HS6ST2: variants seen among roughly 807,000 people sequenced by gnomAD.
HS6ST2 encodes heparan-sulfate 6-O-sulfotransferase 2.
HS6ST2 carries 17 observed loss-of-function variants against 33.0 expected under a neutral mutation model. The ratio of observed to expected loss-of-function variants is 0.52; its 90% CI spans 0.35 to 0.77. The LOEUF is 0.77. Among genes scored for constraint, HS6ST2 ranks in the 30% least tolerant of loss-of-function variants. The pLI is 0.01. For synonymous variants in HS6ST2, 248 were observed against 237.1 expected (o/e 1.05, Z -0.42); for missense variants, 519 against 551.7 (o/e 0.94, Z 0.59).
intron 4 of HS6ST2, among the ~76,000 whole-genome samples, chrX:132,665,258 G>T (rs1227727149): frequency 8.9e-6 from 1 of 111,770 alleles, no homozygotes; most frequent in African/African-American, 3.3e-5. Flanking sequence ...CTGAGATCTG[G>T]CTCCTGGCCT....
chrX:132,872,833 T>A (rs983343364), intron 2 of HS6ST2, among the ~76,000 whole-genome samples: 2 of 111,118 alleles, frequency 1.8e-5, no homozygotes, highest in Non-Finnish European at 3.8e-5. Context: ...CTTTTAACAA[T>A]AAAAAAAGGT....
At chrX:132,730,975 C>G (rs139892807) in intron 2 of HS6ST2, among the ~76,000 whole-genome samples, 2 of 111,631 alleles carry the variant, frequency 1.8e-5, no homozygotes, top group African/African-American at 6.5e-5. Context: ...GGGATGGACT[C>G]TGTGTGTGTG....
At chrX:132,639,367 A>T (rs1173620278) in intron 4 of HS6ST2, among the ~76,000 whole-genome samples, 1 of 111,872 alleles carries the variant, frequency 8.9e-6, no homozygotes, top group East Asian at 2.8e-4. Context: ...AATTTTGTAG[A>T]TTACACTGCC....
At chrX:132,768,487 G>A (rs765793519) in intron 2 of HS6ST2, among the ~76,000 whole-genome samples, 5 of 111,525 alleles carry the variant, frequency 4.5e-5, no homozygotes, top group Non-Finnish European at 9.4e-5. Flanking sequence ...CATCATATAA[G>A]GAAAATAAAA....
chrX:132,791,578 A>G (rs1239096825), intron 2 of HS6ST2, among the ~76,000 whole-genome samples: 1 of 112,206 alleles, frequency 8.9e-6, no homozygotes, highest in African/African-American at 3.2e-5. Context: ...TCAAAATAAT[A>G]TTTTGTTACT....
intron 2 of HS6ST2, among the ~76,000 whole-genome samples, chrX:132,907,033 T>C (rs1319433196): frequency 8.9e-6 from 1 of 111,947 alleles, no homozygotes; most frequent in African/African-American, 3.2e-5. Context: ...CAATGTGATG[T>C]CTGCTCTCCC....
intron 2 of HS6ST2, among the ~76,000 whole-genome samples, chrX:132,825,211 G>T (rs2065505736): frequency 9.0e-6 from 1 of 111,402 alleles, no homozygotes; most frequent in African/African-American, 3.3e-5. Context: ...AGGTCTCTGA[G>T]ATCCCAGTAT....
At chrX:132,882,012 G>A (rs1349254793) in intron 2 of HS6ST2, among the ~76,000 whole-genome samples, 10 of 111,798 alleles carry the variant, frequency 8.9e-5, no homozygotes, top group Middle Eastern at 9.3e-3. Context: ...GTACCATGCT[G>A]TTTTGGTTAC....
At chrX:132,791,327 A>T (rs369992907) in intron 2 of HS6ST2, among the ~76,000 whole-genome samples, 4 of 112,015 alleles carry the variant, frequency 3.6e-5, no homozygotes, top group East Asian at 5.6e-4. Flanking sequence ...TTTTACCAAC[A>T]TTCAAAATAC....
At chrX:132,742,570 T>C (rs541184427) in intron 2 of HS6ST2, among the ~76,000 whole-genome samples, 1 of 112,080 alleles carries the variant, frequency 8.9e-6, no homozygotes, top group South Asian at 3.7e-4. Context: ...GCCATTGTTG[T>C]GTATCCTCAT....
intron 2 of HS6ST2, among the ~76,000 whole-genome samples, chrX:132,926,939 G>A (rs890523418): frequency 5.5e-5 from 6 of 109,883 alleles, no homozygotes; most frequent in African/African-American, 1.7e-4. Context: ...AAAACAAAAC[G>A]AACAAACAAA....
intron 2 of HS6ST2, among the ~76,000 whole-genome samples, chrX:132,901,302 C>T (rs748203195): frequency 3.6e-5 from 4 of 111,351 alleles, no homozygotes; most frequent in African/African-American, 9.8e-5. Flanking sequence ...CCACTAAATT[C>T]GAAGACAGGT....
intron 2 of HS6ST2, among the ~76,000 whole-genome samples, chrX:132,831,152 T>C (rs1370626666): frequency 1.8e-5 from 2 of 111,432 alleles, no homozygotes; most frequent in African/African-American, 6.5e-5. Context: ...ACAAACTATA[T>C]GTACCTGTAA....
chrX:132,858,711 A>G (rs1169835164), intron 2 of HS6ST2, among the ~76,000 whole-genome samples: 1 of 112,036 alleles, frequency 8.9e-6, no homozygotes, highest in Non-Finnish European at 1.9e-5. Context: ...ACATCCAGGA[A>G]ATGTGGAGAT....
intron 2 of HS6ST2, among the ~76,000 whole-genome samples, chrX:132,758,778 C>T (rs900189665): frequency 1.8e-5 from 2 of 112,121 alleles, no homozygotes; most frequent in East Asian, 2.8e-4. Context: ...GTATTTTCAC[C>T]GAGTCCTCTT....
At position 132,939,575 on chromosome X, in the gene HS6ST2, A is replaced by T. The variant is rs2066865566; in HGVS notation, c.947+17233T>A. 2.7e-5 allele frequency among the ~76,000 whole-genome samples: 3 copies of T among 111,380 alleles called. No individual in the cohort carries two copies. The South Asian group carries it at 1.2e-3, about 43-fold the overall frequency. ...GGGGGGCAGAGGTTGCAGTGAGCCGAGATTGCACCACCGCACTCCAGCCTG... is the reference window on the plus strand; with the variant it reads ...GGGGGGCAGAGGTTGCAGTGAGCCGTGATTGCACCACCGCACTCCAGCCTG... On this transcript the variant is annotated intron_variant, in intron 2 of 4. Transcript: ENST00000370833.
chrX:132,946,508 A>G (rs755514805), intron 2 of HS6ST2, among the ~76,000 whole-genome samples: 4 of 111,799 alleles, frequency 3.6e-5, no homozygotes, highest in East Asian at 2.8e-4. Context: ...TCAGCAAACT[A>G]TCCCAAGGAC....
At chrX:132,942,740 T>A (rs1400650749) in intron 2 of HS6ST2, among the ~76,000 whole-genome samples, 17 of 112,107 alleles carry the variant, frequency 1.5e-4, no homozygotes, top group Non-Finnish European at 7.5e-5. Flanking sequence ...TGTCTACACT[T>A]ACCAAATGCA....
intron 2 of HS6ST2, among the ~76,000 whole-genome samples, chrX:132,826,833 C>T (rs1396247354): frequency 1.8e-5 from 2 of 110,841 alleles, no homozygotes; most frequent in Admixed American, 9.7e-5. Flanking sequence ...GAACTGTTCA[C>T]GGGTCCTTGG....
Sources: gnomAD v4.1 joint callset for allele counts (sites outside exome capture counted in the v4.1 genomes callset) on GRCh38, gnomAD v4.1.1 for gene constraint, MANE v1.5 for transcripts, NCBI Gene and HGNC (gene_info 2026-07-23, HGNC 2026-07-21) for gene names.